Variants in DDX18 observed in about 807,000 individuals in gnomAD.
DDX18 encodes the protein DEAD-box helicase 18.
A neutral mutation model predicts 73.5 loss-of-function variants in DDX18; 23 were observed. The observed-to-expected ratio is 0.31, with a 90% CI of 0.23 to 0.44. DDX18 has a LOEUF of 0.44. Among genes scored for constraint, DDX18 ranks in the 20% least tolerant of loss-of-function variants. The pLI, the probability that DDX18 is intolerant of heterozygous loss-of-function variation, is 1.00. For synonymous variants in DDX18, 268 were observed against 282.7 expected, an observed-to-expected ratio of 0.95 and a Z score of 0.52; for missense variants, 753 against 792.9, an observed-to-expected ratio of 0.95 and a Z score of 0.60.
Position 117,821,689 on chromosome 2 carries a change from C to T in DDX18, c.690C>T (p.Thr230=). The T allele has an allele frequency of 6.2e-7, 1 of 1,613,942 alleles. No individual in the cohort carries two copies. The highest frequency in any genetic ancestry group is 1.1e-5 in the South Asian group (1 of 91,076). Residue 230 remains threonine, a synonymous_variant, in exon 5 of 14, where the codon ACC becomes ACT. Coordinates refer to ENST00000263239, the MANE Select transcript of DDX18 (RefSeq NM_006773.4). ...CTGCAAAAACAGGCAGTGGTAAAAC[C>T]CTGGCTTTTCTCATCCCTGCAGTTG... ...LAAAKTGSGK[T]LAFLIPAVEL...
At chr2:117,814,929 G>A (rs1311039431) in intron 1 of DDX18, 67 bp downstream of exon 1, 8 of 1,523,894 alleles carry the variant, frequency 5.2e-6, no homozygotes, top group Non-Finnish European at 7.3e-6. Flanking sequence ...TCGGGCGGCC[G>A]GGGGCCCAGC....
chr2:117,819,417 T>C (rs913607474), intron 2 of DDX18, among the ~76,000 whole-genome samples: 5 of 152,232 alleles, frequency 3.3e-5, no homozygotes, highest in Non-Finnish European at 7.4e-5. Flanking sequence ...ATGTTTATAC[T>C]GTTTAGTTGA....
chr2:117,822,255 T>A lies in DDX18; in HGVS notation c.1060T>A (p.Leu354Met). ...GGAATTAAAGCAAATTATTAAACTT[T>A]TGCCAAGTAAGTAGGTAGCATCTGC... Reference protein sequence around the residue: ...EEELKQIIKLLPTRRQTMLFS... With the variant: ...EEELKQIIKLMPTRRQTMLFS... Residue 354 changes from leucine (L) to methionine (M), a missense_variant, in exon 7 of 14, where the codon TTG becomes ATG. Coordinates refer to ENST00000263239, the MANE Select transcript of DDX18 (RefSeq NM_006773.4). 6.2e-7 allele frequency: 1 copy of A among 1,611,780 alleles called. No homozygotes were observed. The highest frequency in any genetic ancestry group is 1.1e-5 in the South Asian group (1 of 90,966).
In DDX18 at chr2:117,826,363, G is replaced by A. The variant is rs374687356; in HGVS notation, c.1616G>A (p.Arg539His). The change falls in exon 11 of 14, where the codon CGC becomes CAC. Residue 539 changes from arginine (R) to histidine (H), a missense_variant. Coordinates refer to ENST00000263239, the MANE Select transcript of DDX18 (RefSeq NM_006773.4). ...CGCCCAGAAGAATTGGGTTTTCTTC[G>A]CTACTTGAAACAATCCAAGGTAAAG... ...ILRPEELGFL[R>H]YLKQSKVPLS... 64 of 1,613,852 alleles carry A rather than the reference G, an allele frequency of 4.0e-5. No homozygotes were observed. The highest frequency in any genetic ancestry group is 8.0e-5 in the African/African-American group (6 of 75,002).
chr2:117,826,938 C>G (rs1250915821), intron 11 of DDX18: 1 of 154,268 alleles, frequency 6.5e-6, no homozygotes, highest in African/African-American at 2.4e-5. Flanking sequence ...CCTCAGTCAG[C>G]CTTACTGGAA....
rs1051269469 is a variant in DDX18, at chr2:117,814,703, A to T, written c.-75A>T. 6.8e-7 allele frequency: 1 copy of T among 1,472,186 alleles called. No individual in the cohort carries two copies. The highest frequency in any genetic ancestry group is 1.4e-5 in the African/African-American group (1 of 71,134). The allele number at this position is 1,472,186 out of a possible 1,614,324, so 91.2% of individuals were successfully genotyped here. On this transcript the variant is annotated 5_prime_UTR_variant, in exon 1 of 14. Coordinates refer to ENST00000263239, the MANE Select transcript of DDX18 (RefSeq NM_006773.4). ...GGCCGAGCTGCGCACGTGCGGCCGG[A>T]AGGGAAGTAACGTCAGCCTGAGAAC...
intron 11 of DDX18, chr2:117,828,620 A>C (rs1462587607): frequency 8.9e-6 from 2 of 224,660 alleles, no homozygotes; most frequent in Non-Finnish European, 1.8e-5. Flanking sequence ...TGACATGGAG[A>C]AAAGGGGCTG....
intron 1 of DDX18, 86 bp from the exon 2 acceptor site, chr2:117,817,358 C>A: frequency 1.6e-6 from 2 of 1,252,498 alleles, no homozygotes; most frequent in Non-Finnish European, 2.2e-6. Context: ...TGTCAGGAAG[C>A]CATGGAAGTT....
chr2:117,817,723 A>C lies in DDX18; in HGVS notation c.365A>C (p.Glu122Ala), dbSNP rs771605669. 2 of 1,594,710 alleles carry C rather than the reference A, an allele frequency of 1.3e-6. No homozygotes were observed. Among genetic ancestry groups the C allele is most frequent in the South Asian group, 2.3e-5 (2 of 86,442 alleles). Residue 122 changes from glutamate to alanine, a missense_variant, in exon 2 of 14, where the codon GAG becomes GCG. Coordinates refer to ENST00000263239, the MANE Select transcript of DDX18 (RefSeq NM_006773.4). Reference protein sequence around the residue: ...KKKRKMVNDAEPDTKKAKTEN... With the variant: ...KKKRKMVNDAAPDTKKAKTEN... The stretch of plus-strand genomic sequence containing the variant: ...AAGAGAAAAATGGTGAATGATGCTG[A>C]GCCTGGTAGGTATTTATTATCTTTG...
At position 117,817,588 on chromosome 2, in the gene DDX18, C is replaced by T. The variant is rs770479354; in HGVS notation, c.230C>T (p.Ala77Val). The T allele has an allele frequency of 9.9e-6, 16 of 1,613,824 alleles. No homozygotes were observed. The African/African-American group carries it at 1.9e-4, about 19-fold the overall frequency. Residue 77 changes from alanine to valine, a missense_variant, in exon 2 of 14, where the codon GCA becomes GTA. Coordinates refer to ENST00000263239, the MANE Select transcript of DDX18 (RefSeq NM_006773.4). ...ETQNGGMSQE[A>V]VGNIKVTKSP... ...CAAAATGGAGGCATGTCTCAAGAAGCAGTGGGAAATATAAAAGTTACAAAG... is the reference window on the plus strand; with the variant it reads ...CAAAATGGAGGCATGTCTCAAGAAGTAGTGGGAAATATAAAAGTTACAAAG...
intron 2 of DDX18, among the ~76,000 whole-genome samples, chr2:117,818,654 G>A (rs6542397): frequency 0.34 from 52,348 of 151,988 alleles, 9,820 homozygotes; most frequent in African/African-American, 0.48. Context: ...AATGCTGGGC[G>A]TTTTAACCTT....
intron 9 of DDX18, 31 bp downstream of exon 9, chr2:117,825,132 A>G (rs996926487): frequency 1.3e-6 from 2 of 1,594,192 alleles, no homozygotes; most frequent in Non-Finnish European, 1.7e-6. Context: ...CATTGAAAAC[A>G]GGGTATGCTT....
intron 1 of DDX18, chr2:117,815,067 C>T (rs1403094544): frequency 3.4e-6 from 2 of 592,880 alleles, no homozygotes; most frequent in Non-Finnish European, 6.0e-6. Flanking sequence ...CCTGACCTTT[C>T]TGAGCAATCA....
Position 117,825,448 on chromosome 2 carries a change from GAAAGCA to G in DDX18, c.1380_1385del (p.Lys460_Gln461del), listed in dbSNP as rs1251417736. 1 of 1,611,060 alleles carries G rather than the reference GAAAGCA, an allele frequency of 6.2e-7. No individual in the cohort carries two copies. Among genetic ancestry groups the G allele is most frequent in the Admixed American group, 1.7e-5 (1 of 59,852 alleles). On this transcript the variant is annotated inframe_deletion and splice_region_variant, in exon 10 of 14. Transcript: ENST00000263239. The stretch of plus-strand genomic sequence containing the variant: ...ATGGATGTTTTTATTTAATTCTAGG[GAAAGCA>G]AAAGCAAAATAAGCGTACAACCACA...
At position 117,824,668 on chromosome 2, in the gene DDX18, A is replaced by G. The variant is rs1045321496; in HGVS notation, c.1166A>G (p.Asp389Gly). Residue 389 changes from aspartate to glycine, a missense_variant, in exon 8 of 14, where the codon GAT becomes GGT. Around this residue, in one of 3 missense-constraint regions of DDX18, gnomAD observed 402 missense variants for 419.4 expected, o/e 0.96. Transcript: ENST00000263239. ...LKKEPLYVGV[D>G]DDKANATVDG... ...AAGGAGCCATTGTATGTTGGCGTTG[A>G]TGATGATAAAGCGAATGCAACAGTG... The G allele has an allele frequency of 2.9e-5, 43 of 1,491,840 alleles. No homozygotes were observed. The highest frequency in any genetic ancestry group is 3.7e-5 in the Non-Finnish European group (42 of 1,123,434). The allele number at this position is 1,491,840 out of a possible 1,614,324, so 92.4% of individuals were successfully genotyped here.
Position 117,825,437 on chromosome 2 carries a change from T to A in DDX18, c.1369-10T>A. The stretch of plus-strand genomic sequence containing the variant: ...TTCCAGCTCTAATGGATGTTTTTAT[T>A]TAATTCTAGGGAAAGCAAAAGCAAA... On this transcript the variant is annotated splice_polypyrimidine_tract_variant and intron_variant, in intron 9 of 13. Coordinates refer to ENST00000263239, the MANE Select transcript of DDX18 (RefSeq NM_006773.4). The A allele has an allele frequency of 1.9e-6, 3 of 1,606,168 alleles. No homozygotes were observed. The highest frequency in any genetic ancestry group is 8.5e-7 in the Non-Finnish European group (1 of 1,173,948).
chr2:117,819,853 A>G (rs1679818045), intron 3 of DDX18, 61 bp downstream of exon 3: 1 of 1,418,316 alleles, frequency 7.1e-7, no homozygotes. Flanking sequence ...TTAGAGGATT[A>G]TAGGTTTGAA....
rs750983528 is a variant in DDX18, at chr2:117,814,881, C to T, written c.85+19C>T. ...TTTCAGGGTGAGATGCGTTGACTCG[C>T]GGTGGCTCAGAAGACCCACGCGCGA... is the stretch of plus-strand genomic sequence containing the variant. On this transcript the variant is annotated intron_variant, in intron 1 of 13. Transcript: ENST00000263239. 9.3e-6 allele frequency: 15 copies of T among 1,613,770 alleles called. No homozygotes were observed. The highest frequency in any genetic ancestry group is 1.2e-5 in the Non-Finnish European group (14 of 1,179,852).
rs748022030 is a variant in DDX18, at chr2:117,814,851, T to G, written c.74T>G (p.Leu25Arg). ...AACCTCAAATTGCGGCAGCGGAACC[T>G]AAAGTTTCAGGGTGAGATGCGTTGA... ...KRNLKLRQRN[L>R]KFQGASNLTL... Residue 25 changes from leucine to arginine, a missense_variant, in exon 1 of 14, where the codon CTA (leucine) becomes CGA (arginine). Leu to Arg is a moderately radical substitution (Grantham distance 102). Coordinates refer to ENST00000263239, the MANE Select transcript of DDX18 (RefSeq NM_006773.4). 6.2e-7 allele frequency: 1 copy of G among 1,614,150 alleles called. No individual in the cohort carries two copies. The highest frequency in any genetic ancestry group is 2.2e-5 in the East Asian group (1 of 44,876).
Sources: gnomAD v4.1 joint callset for allele counts (sites outside exome capture counted in the v4.1 genomes callset) on GRCh38, gnomAD v4.1.1 for gene constraint, gnomAD v4.1.1 regional missense constraint, MANE v1.5 for transcripts, NCBI Gene and HGNC (gene_info 2026-07-23, HGNC 2026-07-21) for gene names.